VAT1L: variants seen among roughly 807,000 people sequenced by gnomAD.
VAT1L encodes the protein vesicle amine transport 1 like.
In VAT1L, 34 loss-of-function variants were observed where a neutral mutation model predicts 44.1. That is an observed-to-expected ratio of 0.77 (90% CI 0.59 to 1.03). The LOEUF is 1.03. Among genes scored for constraint, VAT1L ranks in the 50% least tolerant of loss-of-function variants. The probability of loss-of-function intolerance (pLI) is 0.00; values close to 1 mark genes in which losing one functional copy is unlikely to be tolerated. For missense variants in VAT1L, 615 were observed against 538.8 expected (o/e 1.14, Z -1.40); for synonymous variants, 253 against 202.2 (o/e 1.25, Z -2.13).
intron 7 of VAT1L, among the ~76,000 whole-genome samples, chr16:77,928,558 C>G (rs888774269): frequency 6.6e-6 from 1 of 152,120 alleles, no homozygotes; most frequent in Non-Finnish European, 1.5e-5. Context: ...GATGTGACAA[C>G]CAACATTTCC....
intron 3 of VAT1L, among the ~76,000 whole-genome samples, chr16:77,827,030 C>A (rs2016530748): frequency 6.6e-6 from 1 of 152,182 alleles, no homozygotes; most frequent in Non-Finnish European, 1.5e-5. Flanking sequence ...AGAAAACAAG[C>A]TCACATCCAG....
At chr16:77,956,444 T>A (rs963502173) in intron 7 of VAT1L, among the ~76,000 whole-genome samples, 4 of 152,204 alleles carry the variant, frequency 2.6e-5, no homozygotes, top group African/African-American at 9.6e-5. Context: ...ATGAGGTGCT[T>A]TGCTCGGTGA....
At chr16:77,950,526 T>C (rs1223975154) in intron 7 of VAT1L, among the ~76,000 whole-genome samples, 1 of 151,876 alleles carries the variant, frequency 6.6e-6, no homozygotes, top group Admixed American at 6.6e-5. Flanking sequence ...GTGAGGTTGA[T>C]ACAACCTATA....
intron 7 of VAT1L, among the ~76,000 whole-genome samples, chr16:77,958,541 G>A (rs371897606): frequency 5.3e-5 from 8 of 152,226 alleles, no homozygotes; most frequent in South Asian, 2.1e-4. Context: ...ACTGTGGAGC[G>A]TTGTTAACTA....
At chr16:77,928,388 T>C (rs111394526) in intron 7 of VAT1L, among the ~76,000 whole-genome samples, 13 of 152,370 alleles carry the variant, frequency 8.5e-5, no homozygotes, top group African/African-American at 2.2e-4. Context: ...CTTATGATTA[T>C]TCCATCATGG....
intron 8 of VAT1L, among the ~76,000 whole-genome samples, chr16:77,972,364 G>T (rs572753923): frequency 7.2e-5 from 11 of 152,118 alleles, no homozygotes; most frequent in Middle Eastern, 3.4e-3. Flanking sequence ...TGTCACCCAG[G>T]CTGGAGTGCA....
At chr16:77,914,853 C>T (rs184262460) in intron 7 of VAT1L, among the ~76,000 whole-genome samples, 8 of 152,310 alleles carry the variant, frequency 5.3e-5, no homozygotes, top group South Asian at 2.1e-4. Context: ...GGGCCGGACA[C>T]GGTGGTTCAC....
intron 7 of VAT1L, among the ~76,000 whole-genome samples, chr16:77,916,799 CT>C (rs34522921): frequency 0.46 from 64,052 of 139,728 alleles, 14,536 homozygotes; most frequent in South Asian, 0.58. Context: ...GCGCTTTGCT[CT>C]TTTTTTTTTT....
chr16:77,962,739 A>AGAAGGAAAGAAGGAAGGAAGGAAGGAAG (rs2018175748), intron 7 of VAT1L, among the ~76,000 whole-genome samples: 3 of 129,328 alleles, frequency 2.3e-5, no homozygotes, highest in Admixed American at 8.1e-5. Context: ...AAAGAAGGAA[A>AGAAGGAAAGAAGGAAGGAAGGAAGGAAG]GAAGGAAGGA....
chr16:77,819,613 C>T (rs1451624581), intron 2 of VAT1L, among the ~76,000 whole-genome samples: 1 of 152,144 alleles, frequency 6.6e-6, no homozygotes, highest in Admixed American at 6.5e-5. Context: ...GAACTCCTGA[C>T]CTCAGGTGAT....
intron 3 of VAT1L, among the ~76,000 whole-genome samples, chr16:77,843,117 C>T (rs1335925822): frequency 6.6e-6 from 1 of 152,144 alleles, no homozygotes; most frequent in Non-Finnish European, 1.5e-5. Context: ...GTGTTTTAAG[C>T]CACAAAGATA....
chr16:77,838,327 T>C lies in VAT1L; in HGVS notation c.579+12866T>C, dbSNP rs2016662693. ...AATCAGTTCAGTTGGGAAAGGGAGGTGTGTAGCAAGAAGCAGCCTCGTTGC... is the reference window on the plus strand; with the variant it reads ...AATCAGTTCAGTTGGGAAAGGGAGGCGTGTAGCAAGAAGCAGCCTCGTTGC... On this transcript the variant is annotated intron_variant, in intron 3 of 8. Coordinates refer to ENST00000302536, the MANE Select transcript of VAT1L (RefSeq NM_020927.3). 2.0e-5 allele frequency among the ~76,000 whole-genome samples: 3 copies of C among 152,058 alleles called. No individual in the cohort carries two copies. In the South Asian group the frequency reaches 6.2e-4, roughly 32 times the overall value.
intron 7 of VAT1L, among the ~76,000 whole-genome samples, chr16:77,936,753 G>T (rs1211701123): frequency 2.0e-5 from 3 of 152,128 alleles, no homozygotes; most frequent in African/African-American, 7.2e-5. Context: ...CATCTTGTAA[G>T]GATTAAAGAA....
chr16:77,926,003 C>T (rs1026296428), intron 7 of VAT1L, among the ~76,000 whole-genome samples: 2 of 152,068 alleles, frequency 1.3e-5, no homozygotes, highest in Admixed American at 1.3e-4. Flanking sequence ...TGGCTCATAC[C>T]TGTAATCCTA....
intron 4 of VAT1L, among the ~76,000 whole-genome samples, chr16:77,865,197 T>C (rs1272113360): frequency 3.3e-5 from 5 of 151,954 alleles, no homozygotes; most frequent in Non-Finnish European, 7.4e-5. Context: ...ATTGTCTTGA[T>C]CTCCTGACCT....
At chr16:77,880,968 C>T (rs1191778832) in intron 6 of VAT1L, among the ~76,000 whole-genome samples, 1 of 152,112 alleles carries the variant, frequency 6.6e-6, no homozygotes, top group Non-Finnish European at 1.5e-5. Flanking sequence ...ATGGTGTATA[C>T]GTCTCACATT....
intron 3 of VAT1L, among the ~76,000 whole-genome samples, chr16:77,856,636 G>A (rs1314866326): frequency 6.6e-6 from 1 of 152,194 alleles, no homozygotes; most frequent in Non-Finnish European, 1.5e-5. Context: ...TGTTACCACA[G>A]TCCCTGGATT....
rs758115574 is a variant in VAT1L at position 77,884,840 on chromosome 16, T to G, written c.1077+38T>G. ...CTTTTCTTCTGCAAATAAACTCCTC[T>G]TTTTAACTCAGGAAGGTTTGGGCAG... On this transcript the variant is annotated intron_variant, in intron 7 of 8. Coordinates refer to ENST00000302536, the MANE Select transcript of VAT1L (RefSeq NM_020927.3). This position sits in a 1 kb window ranked among gnomAD's most constrained non-coding sequence, Gnocchi z 4.5. 4.8e-5 allele frequency: 69 copies of G among 1,431,926 alleles called. No individual in the cohort carries two copies. The African/African-American group carries it at 8.5e-4, about 18-fold the overall frequency. 88.7% of individuals were successfully genotyped at this position (1,431,926 alleles called of 1,614,324 possible).
At chr16:77,962,470 C>T (rs1399573806) in intron 7 of VAT1L, among the ~76,000 whole-genome samples, 1 of 152,038 alleles carries the variant, frequency 6.6e-6, no homozygotes, top group Non-Finnish European at 1.5e-5. Context: ...AAGTGGGGCC[C>T]AGGTCTCAGA....
Sources: allele counts gnomAD v4.1 joint callset (sites outside exome capture counted in the v4.1 genomes callset), GRCh38; gene constraint gnomAD v4.1.1; non-coding constraint Gnocchi (gnomAD v3.1); transcripts MANE v1.5; gene names NCBI Gene and HGNC (gene_info 2026-07-23, HGNC 2026-07-21).